CPNE8: variants seen among roughly 807,000 people sequenced by gnomAD.
CPNE8 encodes copine 8, also known as copine-8.
A neutral mutation model predicts 81.5 loss-of-function variants in CPNE8; 45 were observed. That is an observed-to-expected ratio of 0.55 (90% confidence interval 0.44 to 0.71). The LOEUF (loss-of-function observed/expected upper bound fraction) is 0.71, where lower values mean the gene tolerates loss of function less well. CPNE8 is among the 30% of genes least tolerant of loss of function. The pLI is 0.00. For synonymous variants in CPNE8, 252 were observed against 226.3 expected, an observed-to-expected ratio of 1.11 and a Z score of -1.02; for missense variants, 594 against 672.1, an observed-to-expected ratio of 0.88 and a Z score of 1.28.
intron 6 of CPNE8, among the ~76,000 whole-genome samples, chr12:38,814,194 A>G (rs1365159762): frequency 6.6e-6 from 1 of 152,054 alleles, no homozygotes; most frequent in Non-Finnish European, 1.5e-5. Flanking sequence ...AGCTTTGATA[A>G]ATGCAACTGC....
intron 15 of CPNE8, 88 bp downstream of exon 15, chr12:38,693,569 T>C: frequency 1.7e-6 from 2 of 1,180,170 alleles, no homozygotes; most frequent in Non-Finnish European, 2.4e-6. Context: ...GCTTGCTACT[T>C]GACTGACTAA....
chr12:38,726,294 A>G (rs1354641428), intron 11 of CPNE8: 1 of 152,112 alleles, frequency 6.6e-6, no homozygotes, highest in African/African-American at 2.4e-5. Context: ...CTTTAAGACA[A>G]CAGAATAAAG....
intron 15 of CPNE8, among the ~76,000 whole-genome samples, chr12:38,689,594 T>G (rs567773424): frequency 1.3e-5 from 2 of 152,070 alleles, no homozygotes; most frequent in African/African-American, 4.8e-5. Context: ...GACTCTTAGT[T>G]ATTAAATTAC....
intron 11 of CPNE8, among the ~76,000 whole-genome samples, chr12:38,729,891 T>G (rs1273641602): frequency 6.6e-6 from 1 of 151,928 alleles, no homozygotes; most frequent in African/African-American, 2.4e-5. Context: ...GTAGTGAAGG[T>G]GCTCAGATAT....
intron 3 of CPNE8, among the ~76,000 whole-genome samples, chr12:38,872,613 TA>T (rs1299167428): frequency 6.6e-6 from 1 of 152,214 alleles, no homozygotes; most frequent in Non-Finnish European, 1.5e-5. Context: ...TTGCAAAAAG[TA>T]GGCAATATTT....
chr12:38,889,566 T>A (rs150915831), intron 1 of CPNE8, among the ~76,000 whole-genome samples: 2 of 152,144 alleles, frequency 1.3e-5, no homozygotes, highest in African/African-American at 4.8e-5. Context: ...GTTTGGAAGA[T>A]CCTGATGACT....
chr12:38,660,710 A>T (rs1003463036), intron 19 of CPNE8, among the ~76,000 whole-genome samples: 1 of 152,152 alleles, frequency 6.6e-6, no homozygotes, highest in African/African-American at 2.4e-5. Flanking sequence ...TTTGCAATCT[A>T]CCCATCTGAC....
chr12:38,773,914 G>C (rs1318458093), intron 7 of CPNE8, among the ~76,000 whole-genome samples: 1 of 151,930 alleles, frequency 6.6e-6, no homozygotes, highest in East Asian at 1.9e-4. Context: ...TCAGGACATA[G>C]AAAACATAAG....
chr12:38,892,675 T>C (rs1944329987), intron 1 of CPNE8, among the ~76,000 whole-genome samples: 2 of 152,204 alleles, frequency 1.3e-5, no homozygotes, highest in Non-Finnish European at 2.9e-5. Flanking sequence ...AAAGCCCAGG[T>C]AGCCCACACT....
At chr12:38,754,147 G>T (rs1196735268) in intron 10 of CPNE8, among the ~76,000 whole-genome samples, 1 of 152,148 alleles carries the variant, frequency 6.6e-6, no homozygotes, top group East Asian at 1.9e-4. Context: ...GACCTGAACA[G>T]AATATCAACA....
chr12:38,808,118 G>C (rs1173544391), intron 6 of CPNE8, among the ~76,000 whole-genome samples: 1 of 152,034 alleles, frequency 6.6e-6, no homozygotes, highest in Non-Finnish European at 1.5e-5. Flanking sequence ...TGCTGGAGAG[G>C]ATGTGGAGAA....
At chr12:38,840,545 A>G (rs1943452490) in intron 4 of CPNE8, among the ~76,000 whole-genome samples, 1 of 152,172 alleles carries the variant, frequency 6.6e-6, no homozygotes, top group South Asian at 2.1e-4. Context: ...ATCTCAAAAT[A>G]AAATATTTTT....
intron 1 of CPNE8, among the ~76,000 whole-genome samples, chr12:38,899,966 T>TA (rs898621740): frequency 3.3e-4 from 50 of 151,104 alleles, no homozygotes; most frequent in African/African-American, 8.7e-4. Flanking sequence ...TAGATGATTA[T>TA]AAAAAAAAAC....
At chr12:38,704,528 A>C (rs1940037422) in intron 13 of CPNE8, among the ~76,000 whole-genome samples, 1 of 152,070 alleles carries the variant, frequency 6.6e-6, no homozygotes. Flanking sequence ...TCAAAAATGC[A>C]TTTAAATACC....
At chr12:38,784,162 A>G (rs1291136588) in intron 6 of CPNE8, among the ~76,000 whole-genome samples, 3 of 152,192 alleles carry the variant, frequency 2.0e-5, no homozygotes, top group Non-Finnish European at 4.4e-5. Flanking sequence ...ATGTAACAAA[A>G]AATTAAAATA....
At chr12:38,790,457 G>T (rs568233096) in intron 6 of CPNE8, among the ~76,000 whole-genome samples, 2 of 151,678 alleles carry the variant, frequency 1.3e-5, no homozygotes, top group Non-Finnish European at 3.0e-5. Flanking sequence ...AGGGTAGTAG[G>T]TGCTTGGGGT....
At chr12:38,766,424 T>C (rs1162174487) in intron 8 of CPNE8, among the ~76,000 whole-genome samples, 1 of 152,184 alleles carries the variant, frequency 6.6e-6, no homozygotes, top group African/African-American at 2.4e-5. Context: ...TTCTTATGAA[T>C]AAAATTAGTG....
intron 6 of CPNE8, among the ~76,000 whole-genome samples, chr12:38,797,082 G>C (rs1209604159): frequency 6.6e-6 from 1 of 152,136 alleles, no homozygotes; most frequent in Non-Finnish European, 1.5e-5. Flanking sequence ...GCTCAAGGAG[G>C]CCTGCCTGCC....
rs372406373 is a variant in CPNE8 at position 38,806,551 on chromosome 12, A to G, written c.407+22828T>C. 2.1e-4 allele frequency among the ~76,000 whole-genome samples: 31 copies of G among 150,178 alleles called. 1 individual carries two copies. The highest frequency in any genetic ancestry group is 1.3e-3 in the South Asian group (6 of 4,630). On this transcript the variant is annotated intron_variant, in intron 6 of 19. Coordinates refer to ENST00000331366, the MANE Select transcript of CPNE8 (RefSeq NM_153634.3). ...GAAAAGCCCTTTGACAAAATTCAAC[A>G]ACCCTTCATGCTAAAAACTCTCAAT...
Sources: gnomAD v4.1 joint callset for allele counts (sites outside exome capture counted in the v4.1 genomes callset) on GRCh38, gnomAD v4.1.1 for gene constraint, MANE v1.5 for transcripts, NCBI Gene and HGNC (gene_info 2026-07-23, HGNC 2026-07-21) for gene names.